Variants in KDM5C observed in about 807,000 individuals in gnomAD.
KDM5C encodes lysine demethylase 5C.
Under a neutral mutation model 110.6 loss-of-function variants are expected in KDM5C, and 16 were observed. The observed-to-expected ratio is 0.14, with a 90% CI of 0.10 to 0.22. KDM5C has a LOEUF of 0.22. Among genes scored for constraint, KDM5C ranks in the 10% least tolerant of loss-of-function variants. KDM5C has a pLI of 1.00. For missense variants in KDM5C, 681 were observed against 1,300.9 expected (o/e 0.52, Z 7.33); for synonymous variants, 511 against 520.4 (o/e 0.98, Z 0.24).
In KDM5C at chrX:53,194,133, G is replaced by C. The variant is rs782459742; in HGVS notation, c.4038+6C>G. 2 of 1,193,148 alleles carry C rather than the reference G, an allele frequency of 1.7e-6. No individual in the cohort carries two copies. Among genetic ancestry groups the C allele is most frequent in the Non-Finnish European group, 1.1e-6 (1 of 885,745 alleles). On this transcript the variant is annotated splice_donor_region_variant and intron_variant, in intron 23 of 25. Coordinates refer to ENST00000375401, the MANE Select transcript of KDM5C (RefSeq NM_004187.5). ...CTGAGGACAAGAGCTGGGCTGAGTAGCTCACCTTAGGCATATCCTTGCCAC... is the reference window on the plus strand; with the variant it reads ...CTGAGGACAAGAGCTGGGCTGAGTACCTCACCTTAGGCATATCCTTGCCAC...
intron 10 of KDM5C, among the ~76,000 whole-genome samples, chrX:53,211,225 T>C (rs1556848647): frequency 1.8e-5 from 2 of 111,988 alleles, no homozygotes; most frequent in Non-Finnish European, 3.8e-5. Flanking sequence ...CAGGATCTCA[T>C]ATACCTTCTC....
At chrX:53,220,422 T>C (rs996544415) in intron 2 of KDM5C, among the ~76,000 whole-genome samples, 1 of 111,771 alleles carries the variant, frequency 8.9e-6, no homozygotes, top group Non-Finnish European at 1.9e-5. Flanking sequence ...CAAGCACCCA[T>C]GGAAGCAAAG....
At chrX:53,185,262 G>A (rs1333392273) in intron 25 of KDM5C, among the ~76,000 whole-genome samples, 2 of 111,690 alleles carry the variant, frequency 1.8e-5, no homozygotes, top group Non-Finnish European at 3.8e-5. Flanking sequence ...TGCTACATCC[G>A]GCTCATAGAA....
At chrX:53,180,871 G>A (rs2146784956) in intron 25 of KDM5C, among the ~76,000 whole-genome samples, 1 of 108,384 alleles carries the variant, frequency 9.2e-6, no homozygotes, top group East Asian at 2.9e-4. Flanking sequence ...TGGGACTACA[G>A]GCACCCGCCA....
intron 12 of KDM5C, among the ~76,000 whole-genome samples, chrX:53,206,591 C>T (rs999187393): frequency 7.2e-5 from 8 of 111,020 alleles, no homozygotes; most frequent in Non-Finnish European, 1.1e-4. Context: ...TTGCTGGGCA[C>T]GGTGTCTCAC....
chrX:53,214,534 C>T (rs1223195042), intron 8 of KDM5C, 155 bp downstream of exon 8: 1 of 568,296 alleles, frequency 1.8e-6, no homozygotes, highest in Non-Finnish European at 2.8e-6. Context: ...GGCTGAATCT[C>T]CTGCTCCTTT....
Position 53,193,107 on chromosome X carries a change from C to A in KDM5C, c.4543G>T (p.Gly1515Cys). The change falls in exon 26 of 26, where the codon GGC (glycine) becomes TGC (cysteine). Residue 1515 changes from glycine (G) to cysteine (C), a missense_variant. Physicochemically the swap from Gly to Cys is radical, Grantham distance 159 (BLOSUM62 -3). Around this residue, in one of 14 missense-constraint regions of KDM5C, gnomAD observed 115 missense variants for 120.9 expected, o/e 0.95. Coordinates refer to ENST00000375401, the MANE Select transcript of KDM5C (RefSeq NM_004187.5). The stretch of plus-strand genomic sequence containing the variant: ...TGGTTCTCCTGGGTGCTGGGGCTGC[C>A]AGTGGTGGGGATGGGTGCAGGGGGG... ...EGPPAPIPTT[G>C]SPSTQENQNG... The A allele has an allele frequency of 8.3e-7, 1 of 1,210,290 alleles. No individual in the cohort carries two copies. The highest frequency in any genetic ancestry group is 1.1e-6 in the Non-Finnish European group (1 of 894,883).
intron 16 of KDM5C, 28 bp from the exon 17 acceptor site, chrX:53,198,665 G>A (rs782344182): frequency 1.7e-6 from 2 of 1,211,942 alleles, no homozygotes; most frequent in Non-Finnish European, 2.2e-6. Flanking sequence ...GCAGCAAAGA[G>A]TAGGCAGTAT....
At position 53,210,391 on chromosome X, in the gene KDM5C, G is replaced by T. The variant is rs782743296; in HGVS notation, c.1746+23C>A. 2.5e-6 allele frequency: 3 copies of T among 1,210,803 alleles called. No homozygotes were observed. The East Asian group carries it at 8.9e-5, about 36-fold the overall frequency. On this transcript the variant is annotated intron_variant, in intron 12 of 25. Coordinates refer to ENST00000375401, the MANE Select transcript of KDM5C (RefSeq NM_004187.5). The stretch of plus-strand genomic sequence containing the variant: ...CATCACTAAATCACTCCTGCCGCTT[G>T]TCCCTGTTGCCTGGGTACTCACTGG...
chrX:53,216,972 TGA>T (rs2073759946), intron 5 of KDM5C, among the ~76,000 whole-genome samples, 169 bp downstream of exon 5: 1 of 111,512 alleles, frequency 9.0e-6, no homozygotes, highest in African/African-American at 3.3e-5. Flanking sequence ...GCAGCTCAGC[TGA>T]GAGGGGAGAA....
At position 53,214,739 on chromosome X, in the gene KDM5C, G is replaced by A. The variant is rs2073693005; in HGVS notation, c.1072C>T (p.Leu358=). The A allele has an allele frequency of 1.7e-6, 2 of 1,210,178 alleles. No homozygotes were observed. Among genetic ancestry groups the A allele is most frequent in the Non-Finnish European group, 1.1e-6 (1 of 895,176 alleles). The change falls in exon 8 of 26, where the codon CTG becomes TTG. Residue 358 remains leucine, a synonymous_variant. Transcript: ENST00000375401. The stretch of plus-strand genomic sequence containing the variant: ...CAGACACCCTTGGGGATCTCAGGCA[G>A]AGGAGGCAGCAGGCAGAAGATGTGG... ...NYHIFCLLPP[L]PEIPKGVWRC... is the part of the protein sequence containing the mutation.
In KDM5C at chrX:53,211,072, G is replaced by A. The variant is rs145843505; in HGVS notation, c.1402-215C>T. ...CACTTCAATTTCTACGAAGTTTACC[G>A]ATATATCCACCTACCAAAATACCTG... is the stretch of plus-strand genomic sequence containing the variant. On this transcript the variant is annotated intron_variant, in intron 10 of 25. Coordinates refer to ENST00000375401, the MANE Select transcript of KDM5C (RefSeq NM_004187.5). 3.6e-3 allele frequency among the ~76,000 whole-genome samples: 401 copies of A among 111,187 alleles called. 3 individuals are homozygous for A. The highest frequency in any genetic ancestry group is 0.012 in the African/African-American group (380 of 30,546).
At chrX:53,188,312 C>T, downstream of KDM5C, among the ~76,000 whole-genome samples, 1 of 110,074 alleles carries the variant, frequency 9.1e-6, no homozygotes, top group Non-Finnish European at 1.9e-5. Context: ...GACCCCCCGC[C>T]TCCTGGTATT....
At chrX:53,180,787 C>T (rs180963903) in intron 25 of KDM5C, among the ~76,000 whole-genome samples, 1 of 80,616 alleles carries the variant, frequency 1.2e-5, no homozygotes, top group Admixed American at 1.9e-4. Flanking sequence ...AGTGCAGTGG[C>T]GCGATCTCGG....
downstream of KDM5C, chrX:53,192,021 G>C (rs782301645): frequency 5.9e-6 from 1 of 169,097 alleles, no homozygotes; most frequent in Admixed American, 8.5e-5. Flanking sequence ...AGGTTAAGAA[G>C]CTGGTGGAAC....
At chrX:53,200,318 T>TATAA (rs2073102228) in intron 14 of KDM5C, among the ~76,000 whole-genome samples, 1 of 111,534 alleles carries the variant, frequency 9.0e-6, no homozygotes. Flanking sequence ...GGATGTAAAC[T>TATAA]ATAAGTCCTC....
intron 1 of KDM5C, among the ~76,000 whole-genome samples, chrX:53,224,480 C>G (rs1448529701): frequency 8.9e-6 from 1 of 111,888 alleles, no homozygotes; most frequent in East Asian, 2.8e-4. Context: ...CTCCGGCCCA[C>G]TAGGAATCCC....
rs782088735 is a variant in KDM5C, at chrX:53,199,016, T to C, written c.2204A>G (p.Asn735Ser). Residue 735 changes from asparagine to serine, a missense_variant, in exon 15 of 26, where the codon AAT becomes AGT. Asn to Ser is a conservative substitution (Grantham distance 46). Around this residue, in one of 14 missense-constraint regions of KDM5C, gnomAD observed 42 missense variants for 98.9 expected, o/e 0.42. Coordinates refer to ENST00000375401, the MANE Select transcript of KDM5C (RefSeq NM_004187.5). ...PDGLVCLSHINDLCKCSSSRQ... is the reference protein window; with the variant it reads ...PDGLVCLSHISDLCKCSSSRQ... ...GCTACTGGAGCACTTGCAGAGATCA[T>C]TGATGTGGGAAAGGCAGACAAGGCC... The C allele has an allele frequency of 1.5e-5, 18 of 1,211,856 alleles. No individual in the cohort carries two copies. Among genetic ancestry groups the C allele is most frequent in the East Asian group, 5.9e-5 (2 of 33,826 alleles).
Position 53,194,215 on chromosome X carries a change from G to C in KDM5C, c.3962C>G (p.Pro1321Arg), listed in dbSNP as rs782793591. ...TGCAGGGTAGTTAGGAGGCTCCTCA[G>C]GTCTAGGTTCAGCCTGTAGCCGTTG... is the stretch of plus-strand genomic sequence containing the variant. ...LRQRLQAEPRPEEPPNYPAAP... is the reference protein window; with the variant it reads ...LRQRLQAEPRREEPPNYPAAP... Residue 1321 changes from proline (P) to arginine (R), a missense_variant, in exon 23 of 26, where the codon CCT (proline) becomes CGT (arginine). By Grantham distance (103) the Pro-to-Arg change is moderately radical (BLOSUM62 -2). Transcript: ENST00000375401. 19 of 1,210,344 alleles carry C rather than the reference G, an allele frequency of 1.6e-5. No homozygotes were observed. The highest frequency in any genetic ancestry group is 2.0e-5 in the Non-Finnish European group (18 of 895,015).
Sources: gnomAD v4.1 joint callset for allele counts (sites outside exome capture counted in the v4.1 genomes callset) on GRCh38, gnomAD v4.1.1 for gene constraint, gnomAD v4.1.1 regional missense constraint, MANE v1.5 for transcripts, NCBI Gene and HGNC (gene_info 2026-07-23, HGNC 2026-07-21) for gene names.